The following BCAS3 variants were observed in gnomAD, a reference collection of about 807,000 sequenced individuals.
BCAS3 encodes the protein BCAS4/BCAS3 fusion.
In BCAS3, 53 loss-of-function variants were observed where a neutral mutation model predicts 116.1. The observed-to-expected ratio is 0.46, with a 90% CI of 0.37 to 0.57. The LOEUF (loss-of-function observed/expected upper bound fraction) is 0.57. Among genes scored for constraint, BCAS3 ranks in the 20% least tolerant of loss-of-function variants. BCAS3 has a pLI of 0.00. For missense variants in BCAS3, 917 were observed against 1,165.4 expected (o/e 0.79, Z 3.10); for synonymous variants, 391 against 408.2 (o/e 0.96, Z 0.51).
intron 22 of BCAS3, among the ~76,000 whole-genome samples, chr17:61,269,058 G>A (rs571430556): frequency 2.0e-5 from 3 of 151,468 alleles, no homozygotes; most frequent in Admixed American, 6.6e-5. Context: ...TGACTATTGT[G>A]ACTAATGCTG....
intron 2 of BCAS3, among the ~76,000 whole-genome samples, chr17:60,679,968 C>G (rs2032745534): frequency 6.6e-6 from 1 of 151,784 alleles, no homozygotes; most frequent in Admixed American, 6.6e-5. Flanking sequence ...GAAACCCTGT[C>G]TCTACTAAAA....
At chr17:61,092,453 G>A (rs948536835) in intron 22 of BCAS3, among the ~76,000 whole-genome samples, 4 of 152,112 alleles carry the variant, frequency 2.6e-5, no homozygotes, top group African/African-American at 4.8e-5. Context: ...CTGCCAACAC[G>A]TTTTCCAAAA....
Position 61,219,404 on chromosome 17 carries a change from T to G in BCAS3, c.2425+134840T>G, listed in dbSNP as rs1420077719. Among the ~76,000 whole-genome samples the G allele has an allele frequency of 6.6e-6, 1 of 152,194 alleles. No individual in the cohort carries two copies. Among genetic ancestry groups the G allele is most frequent in the East Asian group, 1.9e-4 (1 of 5,196 alleles). ...GGTCAGACTTAACATGAGTCTTCCT[T>G]TCTCACAGGTGGCCCATTGACTTGG... is the stretch of plus-strand genomic sequence containing the variant. On this transcript the variant is annotated intron_variant, in intron 22 of 23. Coordinates refer to ENST00000407086, the MANE Select transcript of BCAS3 (RefSeq NM_017679.5). This position sits in a 1 kb window ranked among gnomAD's most constrained non-coding sequence, Gnocchi z 5.2.
chr17:61,099,199 G>T (rs1412456555), intron 22 of BCAS3, among the ~76,000 whole-genome samples: 1 of 152,134 alleles, frequency 6.6e-6, no homozygotes, highest in African/African-American at 2.4e-5. Context: ...AACAGAGGGG[G>T]AAAAATGATG....
At chr17:61,045,944 TA>T in intron 19 of BCAS3, among the ~76,000 whole-genome samples, 1 of 14,092 alleles carries the variant, frequency 7.1e-5, no homozygotes, top group Non-Finnish European at 9.2e-5. Context: ...ATATATATAT[TA>T]TATATATAAA....
intron 19 of BCAS3, among the ~76,000 whole-genome samples, chr17:61,071,064 T>G (rs1377770959): frequency 6.6e-6 from 1 of 152,186 alleles, no homozygotes; most frequent in African/African-American, 2.4e-5. Context: ...ACATCAGCCA[T>G]GGAAAACAGA....
intron 22 of BCAS3, among the ~76,000 whole-genome samples, chr17:61,155,078 G>C (rs2077756413): frequency 6.6e-6 from 1 of 152,086 alleles, no homozygotes; most frequent in Non-Finnish European, 1.5e-5. Context: ...ATCGTGGAAG[G>C]CTCTTGCCTG....
chr17:61,028,153 T>C lies in BCAS3; in HGVS notation c.1638-6513T>C, dbSNP rs1045945987. Among the ~76,000 whole-genome samples, 1 of 151,902 alleles carries C rather than the reference T, an allele frequency of 6.6e-6. No homozygotes were observed. Among genetic ancestry groups the C allele is most frequent in the African/African-American group, 2.4e-5 (1 of 41,426 alleles). On this transcript the variant is annotated intron_variant, in intron 16 of 23. Coordinates refer to ENST00000407086, the MANE Select transcript of BCAS3 (RefSeq NM_017679.5). This position sits in a 1 kb window ranked among gnomAD's most constrained non-coding sequence, Gnocchi z 4.3. The stretch of plus-strand genomic sequence containing the variant: ...GGACAGAAAGAAGCTTAAATAGTTC[T>C]TTAAGGTTAATTATTATTTGACACA...
chr17:60,858,447 T>C lies in BCAS3; in HGVS notation c.477-10129T>C, dbSNP rs569460510. ...CAGTGTGTAGACTTTTATGTATAGC[T>C]TCCCTACTCCCACAGTCATGGTATT... On this transcript the variant is annotated intron_variant, in intron 7 of 23. Transcript: ENST00000407086. 2.6e-5 allele frequency among the ~76,000 whole-genome samples: 4 copies of C among 152,192 alleles called. No individual in the cohort carries two copies. In the South Asian group the frequency reaches 8.3e-4, roughly 32 times the overall value.
At chr17:60,856,668 G>C (rs2053699330) in intron 7 of BCAS3, among the ~76,000 whole-genome samples, 1 of 151,942 alleles carries the variant, frequency 6.6e-6, no homozygotes. Flanking sequence ...TCCAGCCTGG[G>C]CGATACAGCC....
At chr17:60,784,594 C>T (rs945259525) in intron 6 of BCAS3, among the ~76,000 whole-genome samples, 49 of 148,398 alleles carry the variant, frequency 3.3e-4, no homozygotes, top group South Asian at 6.4e-4. Flanking sequence ...TGAGCCACTG[C>T]GCCCAGCCAA....
Position 61,307,111 on chromosome 17 carries a change from C to T in BCAS3, c.2426-61216C>T, listed in dbSNP as rs1326383601. ...ACTGAGTCCTTCAAGTTTTCTTTTA[C>T]TGCTTCCCCACAAACCGTAGAATGA... On this transcript the variant is annotated intron_variant, in intron 22 of 23. Transcript: ENST00000407086. The surrounding 1 kb of genome is among the most constrained non-coding windows in gnomAD (Gnocchi z 4.7). 6.6e-6 allele frequency among the ~76,000 whole-genome samples: 1 copy of T among 152,182 alleles called. No individual in the cohort carries two copies. Among genetic ancestry groups the T allele is most frequent in the Non-Finnish European group, 1.5e-5 (1 of 68,026 alleles).
At chr17:60,807,652 C>T (rs1395113014) in intron 6 of BCAS3, among the ~76,000 whole-genome samples, 6 of 151,858 alleles carry the variant, frequency 4.0e-5, no homozygotes, top group Non-Finnish European at 7.4e-5. Context: ...CATGGTGGTA[C>T]GTGCCTGTAG....
intron 13 of BCAS3, among the ~76,000 whole-genome samples, chr17:60,924,748 G>T (rs972713295): frequency 1.2e-4 from 19 of 152,004 alleles, no homozygotes; most frequent in African/African-American, 4.1e-4. Context: ...AAACAATGCT[G>T]TTGAGTTACA....
At position 61,203,324 on chromosome 17, in the gene BCAS3, AT is replaced by A. The variant is rs2080947099; in HGVS notation, c.2425+118765del. ...AGGTGCCCGACACCACACCTGGCTAATTTTTGTATTATTAGTAGAAACAGGG... is the reference window on the plus strand; with the variant it reads ...AGGTGCCCGACACCACACCTGGCTAATTTTGTATTATTAGTAGAAACAGGG... On this transcript the variant is annotated intron_variant, in intron 22 of 23. Coordinates refer to ENST00000407086, the MANE Select transcript of BCAS3 (RefSeq NM_017679.5). This position sits in a 1 kb window ranked among gnomAD's most constrained non-coding sequence, Gnocchi z 5.7. Among the ~76,000 whole-genome samples, 1 of 151,968 alleles carries A rather than the reference AT, an allele frequency of 6.6e-6. No homozygotes were observed. Among genetic ancestry groups the A allele is most frequent in the African/African-American group, 2.4e-5 (1 of 41,350 alleles).
chr17:61,067,272 T>A (rs2070732630), intron 19 of BCAS3, among the ~76,000 whole-genome samples: 1 of 82,294 alleles, frequency 1.2e-5, no homozygotes, highest in African/African-American at 8.5e-5. Flanking sequence ...TGTGTGTATG[T>A]GTATATATAT....
intron 9 of BCAS3, among the ~76,000 whole-genome samples, chr17:60,876,420 G>A (rs992411265): frequency 6.6e-6 from 1 of 151,982 alleles, no homozygotes; most frequent in East Asian, 1.9e-4. Flanking sequence ...TGGGCCCAGT[G>A]TAGATAGTAA....
At chr17:61,218,111 C>G (rs2081909077) in intron 22 of BCAS3, among the ~76,000 whole-genome samples, 1 of 152,164 alleles carries the variant, frequency 6.6e-6, no homozygotes, top group Non-Finnish European at 1.5e-5. Context: ...AGGAAAGACT[C>G]CTAAATGTTG....
rs531170729 is a variant in BCAS3, at chr17:60,825,512, A to G, written c.476+17436A>G. Among the ~76,000 whole-genome samples, 25 of 143,262 alleles carry G rather than the reference A, an allele frequency of 1.7e-4. No homozygotes were observed. In the South Asian group the frequency reaches 5.4e-3, roughly 31 times the overall value. 94.0% of individuals were successfully genotyped at this position (143,262 alleles called of 152,430 possible). On this transcript the variant is annotated intron_variant, in intron 7 of 23. Coordinates refer to ENST00000407086, the MANE Select transcript of BCAS3 (RefSeq NM_017679.5). ...AATTTATAAATAATAATTATTTATA[A>G]TAATTTATAAATATTATAATAATTT...
Sources: gnomAD v4.1 joint callset for allele counts (sites outside exome capture counted in the v4.1 genomes callset) on GRCh38, gnomAD v4.1.1 for gene constraint, Gnocchi (gnomAD v3.1) non-coding constraint, MANE v1.5 for transcripts, NCBI Gene and HGNC (gene_info 2026-07-23, HGNC 2026-07-21) for gene names.